ELOVL6: variants seen among roughly 807,000 people sequenced by gnomAD.
The protein encoded by ELOVL6 is very long chain fatty acid elongase 6.
In ELOVL6, 8 loss-of-function variants were observed where a neutral mutation model predicts 31.7. That is an observed-to-expected ratio of 0.25 (90% confidence interval 0.15 to 0.45). The LOEUF (loss-of-function observed/expected upper bound fraction) is 0.45. ELOVL6 is among the 20% of genes least tolerant of loss of function. The pLI is 1.00. For missense variants in ELOVL6, 126 were observed against 326.4 expected, an observed-to-expected ratio of 0.39 and a Z score of 4.73; for synonymous variants, 101 against 117.7, an observed-to-expected ratio of 0.86 and a Z score of 0.92.
intron 1 of ELOVL6, among the ~76,000 whole-genome samples, chr4:110,136,411 G>A (rs1190599337): frequency 1.3e-5 from 2 of 152,162 alleles, no homozygotes; most frequent in East Asian, 1.9e-4. Flanking sequence ...AACTCGAAAT[G>A]TGTAAGTAGT....
At chr4:110,104,273 A>G (rs75931652) in intron 2 of ELOVL6, among the ~76,000 whole-genome samples, 1 of 152,252 alleles carries the variant, frequency 6.6e-6, no homozygotes, top group African/African-American at 2.4e-5. Flanking sequence ...GTAAATAAAA[A>G]TGAAAAGCCT....
intron 1 of ELOVL6, among the ~76,000 whole-genome samples, chr4:110,144,961 C>G (rs1036577089): frequency 2.0e-5 from 3 of 152,020 alleles, no homozygotes; most frequent in South Asian, 2.1e-4. Flanking sequence ...TTTGTACTCT[C>G]CTTTTTGGCT....
Position 110,046,295 on chromosome 4 carries a change from C to G in ELOVL6, c.*5043G>C, listed in dbSNP as rs540703133. On this transcript the variant is annotated 3_prime_UTR_variant, in exon 4 of 4. Transcript: ENST00000302274. ...GTGGCTTGACCCTGACTTATGGGAC[C>G]AGTTATTAATTTAACCAGTTACTTC... 6.6e-6 allele frequency: 1 copy of G among 152,296 alleles called. No individual in the cohort carries two copies. Among genetic ancestry groups the G allele is most frequent in the Admixed American group, 6.5e-5 (1 of 15,300 alleles). 9.4% of individuals were successfully genotyped at this position (152,296 alleles called of 1,614,324 possible).
rs558585018 is a variant in ELOVL6 at position 110,141,201 on chromosome 4, C to T, written c.90-35573G>A. On this transcript the variant is annotated intron_variant, in intron 1 of 3. Coordinates refer to ENST00000302274, the MANE Select transcript of ELOVL6 (RefSeq NM_024090.3). ...GCTTCAGCCTCCCAAGTAGCTGGGACTACAGGCATGAGCCACCACACCCAG... is the reference window on the plus strand; with the variant it reads ...GCTTCAGCCTCCCAAGTAGCTGGGATTACAGGCATGAGCCACCACACCCAG... 9.2e-5 allele frequency among the ~76,000 whole-genome samples: 14 copies of T among 152,138 alleles called. No homozygotes were observed. In the South Asian group the frequency reaches 1.2e-3, roughly 14 times the overall value.
At chr4:110,137,748 C>G (rs1757849691) in intron 1 of ELOVL6, among the ~76,000 whole-genome samples, 1 of 152,170 alleles carries the variant, frequency 6.6e-6, no homozygotes, top group Non-Finnish European at 1.5e-5. Flanking sequence ...ACAACACACT[C>G]TGAGGCCATA....
At chr4:110,139,579 C>T (rs552183684) in intron 1 of ELOVL6, among the ~76,000 whole-genome samples, 13 of 152,032 alleles carry the variant, frequency 8.6e-5, no homozygotes, top group Non-Finnish European at 1.5e-4. Flanking sequence ...TTTTTTCAGA[C>T]GTATTTTGGA....
chr4:110,098,179 T>C (rs1215062223), intron 2 of ELOVL6, among the ~76,000 whole-genome samples: 1 of 151,768 alleles, frequency 6.6e-6, no homozygotes, highest in East Asian at 2.0e-4. Context: ...ATATACACAC[T>C]TAACTGAGGG....
chr4:110,113,747 G>A (rs1159585564), intron 1 of ELOVL6, among the ~76,000 whole-genome samples: 1 of 152,156 alleles, frequency 6.6e-6, no homozygotes, highest in African/African-American at 2.4e-5. Context: ...TAACGATCTA[G>A]TGATAGTAAA....
At chr4:110,176,548 G>C (rs1759111073) in intron 1 of ELOVL6, among the ~76,000 whole-genome samples, 1 of 152,160 alleles carries the variant, frequency 6.6e-6, no homozygotes, top group African/African-American at 2.4e-5. Context: ...ACCTGAAATT[G>C]TTTCTTTCTT....
intron 2 of ELOVL6, among the ~76,000 whole-genome samples, chr4:110,081,409 AACAGAATGG>A (rs1755845421): frequency 6.6e-6 from 1 of 152,208 alleles, no homozygotes; most frequent in African/African-American, 2.4e-5. Context: ...AGACCAATGG[AACAGAATGG>A]AGCCCTCAGA....
chr4:110,113,101 G>C (rs530226039), intron 1 of ELOVL6, among the ~76,000 whole-genome samples: 2 of 151,468 alleles, frequency 1.3e-5, no homozygotes, highest in African/African-American at 4.9e-5. Context: ...GGTGGCAGGC[G>C]CCTGTAATCC....
At chr4:110,096,527 G>C (rs1196366562) in intron 2 of ELOVL6, among the ~76,000 whole-genome samples, 1 of 152,154 alleles carries the variant, frequency 6.6e-6, no homozygotes, top group East Asian at 1.9e-4. Flanking sequence ...TGATGCTCCT[G>C]GCATGGTTAA....
intron 2 of ELOVL6, among the ~76,000 whole-genome samples, chr4:110,096,311 T>C (rs1207791175): frequency 2.0e-5 from 3 of 152,204 alleles, no homozygotes; most frequent in African/African-American, 7.2e-5. Context: ...ATCTTACTTT[T>C]AAAAGATAGA....
rs2126218231 is a variant in ELOVL6 at position 110,050,394 on chromosome 4, GCT to G, written c.*942_*943del. On this transcript the variant is annotated 3_prime_UTR_variant, in exon 4 of 4. Coordinates refer to ENST00000302274, the MANE Select transcript of ELOVL6 (RefSeq NM_024090.3). Reference sequence around the variant, plus strand: ...TCCCACTGCCTTTCTCCCTTTTCCAGCTCACAGTGGTCCTGGGCCGGGCCTTT... The same window carrying G: ...TCCCACTGCCTTTCTCCCTTTTCCAGCACAGTGGTCCTGGGCCGGGCCTTT... 6.6e-6 allele frequency: 1 copy of G among 152,540 alleles called. No homozygotes were observed. Among genetic ancestry groups the G allele is most frequent in the East Asian group, 1.9e-4 (1 of 5,186 alleles). 9.4% of individuals were successfully genotyped at this position (152,540 alleles called of 1,614,324 possible).
rs1757167326 is a variant in ELOVL6 at position 110,116,270 on chromosome 4, T to G, written c.90-10642A>C. Among the ~76,000 whole-genome samples the G allele has an allele frequency of 2.0e-5, 3 of 152,230 alleles. 1 individual carries two copies. Among genetic ancestry groups the G allele is most frequent in the Admixed American group, 2.0e-4 (3 of 15,292 alleles). ...ATTCTGTTTACCATGTGGATTAAAC[T>G]AAATCGTAAGATCTAAAGCCATTCT... On this transcript the variant is annotated intron_variant, in intron 1 of 3. Transcript: ENST00000302274.
At chr4:110,094,454 CATAAT>C (rs1756521880) in intron 2 of ELOVL6, among the ~76,000 whole-genome samples, 2 of 73,940 alleles carry the variant, frequency 2.7e-5, no homozygotes, top group African/African-American at 9.2e-5. Context: ...ATATATATAA[CATAAT>C]ATATATTACA....
At chr4:110,138,445 C>G (rs1328848994) in intron 1 of ELOVL6, among the ~76,000 whole-genome samples, 1 of 152,062 alleles carries the variant, frequency 6.6e-6, no homozygotes, top group African/African-American at 2.4e-5. Flanking sequence ...ACACACTAAT[C>G]AACAAATTAA....
intron 1 of ELOVL6, among the ~76,000 whole-genome samples, chr4:110,126,036 C>A (rs1159843725): frequency 6.6e-6 from 1 of 151,950 alleles, no homozygotes; most frequent in African/African-American, 2.4e-5. Context: ...TGGTTAAAAA[C>A]AAAAACTGTC....
intron 1 of ELOVL6, among the ~76,000 whole-genome samples, chr4:110,119,823 G>A (rs1194485332): frequency 6.6e-6 from 1 of 152,078 alleles, no homozygotes; most frequent in African/African-American, 2.4e-5. Context: ...AAGTGAAAGG[G>A]AACTTTATTC....
Sources: allele counts gnomAD v4.1 joint callset (sites outside exome capture counted in the v4.1 genomes callset), GRCh38; gene constraint gnomAD v4.1.1; transcripts MANE v1.5; gene names NCBI Gene and HGNC (gene_info 2026-07-23, HGNC 2026-07-21).